The following APOBEC4 variants were observed in gnomAD, a reference collection of about 807,000 sequenced individuals.
The protein encoded by APOBEC4 is apolipoprotein B mRNA editing enzyme catalytic polypeptide like 4.
For synonymous variants in APOBEC4, 141 were observed against 154.2 expected (o/e 0.91, Z 0.63); for missense variants, 375 against 441.2 (o/e 0.85, Z 1.34).
intron 1 of APOBEC4, among the ~76,000 whole-genome samples, chr1:183,649,679 A>G (rs1264803560): frequency 6.6e-6 from 1 of 152,238 alleles, no homozygotes. Context: ...GAAAGCAAAT[A>G]TGGTTCTTTA....
chr1:183,651,550 C>A (rs1650752528), intron 1 of APOBEC4, among the ~76,000 whole-genome samples: 1 of 152,162 alleles, frequency 6.6e-6, no homozygotes, highest in Admixed American at 6.5e-5. Context: ...CTCAATCCAG[C>A]TGTAGGTGGA....
intron 1 of APOBEC4, 35 bp from the exon 2 acceptor site, chr1:183,648,846 C>A (rs551756459): frequency 8.9e-6 from 12 of 1,350,304 alleles, no homozygotes; most frequent in Non-Finnish European, 1.2e-5. Flanking sequence ...ATAAAACCAG[C>A]GCAGGAAAAA....
Position 183,647,840 on chromosome 1 carries a change from C to T in APOBEC4, c.942G>A (p.Arg314=). ...GCATATTTAAGTGCCTTACGATATT[C>T]CTGGGTTTATTTGGGTTTTGGCCCA... The part of the protein sequence containing the change: ...MHMGQNPNKP[R]NIVRHLNMPQ... The change falls in exon 2 of 2, where the codon AGG becomes AGA. Residue 314 remains arginine, a synonymous_variant. Transcript: ENST00000308641. 3.1e-6 allele frequency: 5 copies of T among 1,614,156 alleles called. No individual in the cohort carries two copies. The highest frequency in any genetic ancestry group is 4.2e-6 in the Non-Finnish European group (5 of 1,180,026).
chr1:183,652,621 C>A (rs771454211), intron 1 of APOBEC4, among the ~76,000 whole-genome samples: 13 of 152,176 alleles, frequency 8.5e-5, no homozygotes, highest in Admixed American at 2.6e-4. Context: ...TGGAAATGTA[C>A]CCTGTTTAGG....
At chr1:183,650,312 G>A (rs895690115) in intron 1 of APOBEC4, among the ~76,000 whole-genome samples, 1 of 152,134 alleles carries the variant, frequency 6.6e-6, no homozygotes, top group Non-Finnish European at 1.5e-5. Flanking sequence ...GGGAGGCCAG[G>A]GTGGGCGGAT....
In APOBEC4 at chr1:183,648,742, T is replaced by G; in HGVS notation, c.40A>C (p.Thr14Pro). The G allele has an allele frequency of 6.2e-7, 1 of 1,612,992 alleles. No homozygotes were observed. Residue 14 changes from threonine (T) to proline (P), a missense_variant, in exon 2 of 2, where the codon ACA becomes CCA. Physicochemically the swap from Thr to Pro is conservative, Grantham distance 38. Transcript: ENST00000308641. ...IYEEYLANHGTIVKPYYWLSF... is the reference protein window; with the variant it reads ...IYEEYLANHGPIVKPYYWLSF... ...AGCCAGTAATATGGTTTTACTATTG[T>G]TCCATGATTTGCTAGGTACTCCTCA... is the stretch of plus-strand genomic sequence containing the variant.
At chr1:183,652,132 G>A (rs1572225681) in intron 1 of APOBEC4, among the ~76,000 whole-genome samples, 1 of 152,310 alleles carries the variant, frequency 6.6e-6, no homozygotes, top group East Asian at 1.9e-4. Context: ...AAGGTGATGT[G>A]TATGTGGAGT....
intron 1 of APOBEC4, among the ~76,000 whole-genome samples, chr1:183,651,479 A>G (rs2101999962): frequency 6.6e-6 from 1 of 152,276 alleles, no homozygotes; most frequent in South Asian, 2.1e-4. Context: ...CTTGATCTCT[A>G]GCCTGAAACC....
chr1:183,648,818 A>G lies in APOBEC4; in HGVS notation c.-30-7T>C. On this transcript the variant is annotated splice_region_variant and splice_polypyrimidine_tract_variant and intron_variant, in intron 1 of 1. Transcript: ENST00000308641. ...CTGTCTTCTAGCTGCAAACCTAAAC[A>G]AGGAAGAGAAATTACATATAAAACC... 1 of 1,488,296 alleles carries G rather than the reference A, an allele frequency of 6.7e-7. No individual in the cohort carries two copies. The allele number at this position is 1,488,296 out of a possible 1,614,324, so 92.2% of individuals were successfully genotyped here.
At position 183,648,540 on chromosome 1, in the gene APOBEC4, T is replaced by C. The variant is rs1650483735; in HGVS notation, c.242A>G (p.Lys81Arg). The C allele has an allele frequency of 6.2e-7, 1 of 1,614,112 alleles. No homozygotes were observed. The highest frequency in any genetic ancestry group is 1.7e-5 in the Admixed American group (1 of 60,000). Residue 81 changes from lysine to arginine, a missense_variant, in exon 2 of 2, where the codon AAG becomes AGG. Lys to Arg is a conservative substitution (Grantham distance 26, BLOSUM62 2). Coordinates refer to ENST00000308641, the MANE Select transcript of APOBEC4 (RefSeq NM_203454.3). ...LKTSSGSLVQ[K>R]GHASSCTGNY... ...CCCAGTGCAACTGCTAGCATGGCCC[T>C]TTTGCACCAGGCTACCAGAAGAAGT...
At chr1:183,650,902 C>G (rs1441104609) in intron 1 of APOBEC4, among the ~76,000 whole-genome samples, 1 of 151,918 alleles carries the variant, frequency 6.6e-6, no homozygotes, top group East Asian at 1.9e-4. Context: ...AAGTTGAACA[C>G]TTTTTGACAT....
Position 183,647,724 on chromosome 1 carries a change from C to T in APOBEC4, c.1058G>A (p.Ser353Asn). 1 of 1,609,538 alleles carries T rather than the reference C, an allele frequency of 6.2e-7. No homozygotes were observed. The highest frequency in any genetic ancestry group is 1.1e-5 in the South Asian group (1 of 90,950). The change falls in exon 2 of 2, where the codon AGT (serine) becomes AAT (asparagine). Residue 353 changes from serine (S) to asparagine (N), a missense_variant. Transcript: ENST00000308641. ...CTTCTTTTCATCTGCCTCCTTGCTA[C>T]TTGCAAACTGTTCTGTGATTTCCAC... Reference protein sequence around the residue: ...EIVEITEQFASSKEADEKKKK... With the variant: ...EIVEITEQFANSKEADEKKKK...
In APOBEC4 at chr1:183,648,534, TG is replaced by T. The variant is rs2101991986; in HGVS notation, c.247del (p.His83MetfsTer19). 1.9e-6 allele frequency: 3 copies of T among 1,614,222 alleles called. No homozygotes were observed. The South Asian group carries it at 3.3e-5, about 18-fold the overall frequency. On this transcript the variant is annotated frameshift_variant, in exon 2 of 2. Transcript: ENST00000308641. LOFTEE classifies it low-confidence loss of function (END_TRUNC). ...ATAATTCCCAGTGCAACTGCTAGCA[TG>T]GCCCTTTTGCACCAGGCTACCAGAA... ...TSSGSLVQKG[H>X]ASSCTGNYIH...
rs747065273 is a variant in APOBEC4 at position 183,647,981 on chromosome 1, A to C, written c.801T>G (p.Phe267Leu). The C allele has an allele frequency of 1.1e-5, 17 of 1,614,218 alleles. No homozygotes were observed. In the East Asian group the frequency reaches 3.8e-4, roughly 36 times the overall value. Residue 267 changes from phenylalanine (F) to leucine (L), a missense_variant, in exon 2 of 2, where the codon TTT becomes TTG. Physicochemically the swap from Phe to Leu is conservative, Grantham distance 22 (BLOSUM62 0). Coordinates refer to ENST00000308641, the MANE Select transcript of APOBEC4 (RefSeq NM_203454.3). ...TCGGCATTTGAAAAAACTGTCCAGGAAAGGCATTGTTTAAGGGGTAGCTCT... is the reference window on the plus strand; with the variant it reads ...TCGGCATTTGAAAAAACTGTCCAGGCAAGGCATTGTTTAAGGGGTAGCTCT... ...ALESYPLNNA[F>L]PGQFFQMPSG...
In APOBEC4 at chr1:183,647,894, C is replaced by A. The variant is rs1018012811; in HGVS notation, c.888G>T (p.Val296=). The A allele has an allele frequency of 1.9e-6, 3 of 1,613,998 alleles. No individual in the cohort carries two copies. Among genetic ancestry groups the A allele is most frequent in the Admixed American group, 3.3e-5 (2 of 59,994 alleles). Residue 296 remains valine, a synonymous_variant, in exon 2 of 2, where the codon GTG becomes GTT. Transcript: ENST00000308641. ...DLRAPVVFVL[V]PLRDLPPMHM... ...GCATTGGTGGTAAGTCCCTGAGAGG[C>A]ACTAGCACAAAAACAACAGGAGCCC...
Position 183,648,459 on chromosome 1 carries a change from G to A in APOBEC4, c.323C>T (p.Ala108Val). ...CCTGATGCTGTCATTATTGTATATG[G>A]CTGAGTCAAGATAACCATTCATTTC... The part of the protein sequence containing the change: ...LFEMNGYLDS[A>V]IYNNDSIRHI... Residue 108 changes from alanine to valine, a missense_variant, in exon 2 of 2, where the codon GCC becomes GTC. Ala to Val is a moderately conservative substitution (Grantham distance 64). Transcript: ENST00000308641. The A allele has an allele frequency of 6.2e-7, 1 of 1,614,218 alleles. No homozygotes were observed. Among genetic ancestry groups the A allele is most frequent in the Non-Finnish European group, 8.5e-7 (1 of 1,180,040 alleles).
Position 183,648,037 on chromosome 1 carries a change from T to G in APOBEC4, c.745A>C (p.Asn249His). Reference sequence around the variant, plus strand: ...GCCTCCTGAGCTTTTGTGTTTGGATTCCTTTTTGTCTGGAGAAGAACATCA... The same window carrying G: ...GCCTCCTGAGCTTTTGTGTTTGGATGCCTTTTTGTCTGGAGAAGAACATCA... ...FTDVLLQTKR[N>H]PNTKAQEALE... is the part of the protein sequence containing the mutation. Residue 249 changes from asparagine to histidine, a missense_variant, in exon 2 of 2, where the codon AAT (asparagine) becomes CAT (histidine). Physicochemically the swap from Asn to His is moderately conservative, Grantham distance 68. Transcript: ENST00000308641. The G allele has an allele frequency of 6.2e-7, 1 of 1,614,236 alleles. No homozygotes were observed. Among genetic ancestry groups the G allele is most frequent in the South Asian group, 1.1e-5 (1 of 91,080 alleles).
Position 183,651,255 on chromosome 1 carries a change from C to T in APOBEC4, c.-31+1817G>A, listed in dbSNP as rs180830829. Among the ~76,000 whole-genome samples the T allele has an allele frequency of 2.0e-5, 3 of 152,186 alleles. No homozygotes were observed. The East Asian group carries it at 5.8e-4, about 29-fold the overall frequency. ...TTTCATTTTTTACATTTAACTTTGTCAGATAACAAAACTGATAAGGCAGAA... is the reference window on the plus strand; with the variant it reads ...TTTCATTTTTTACATTTAACTTTGTTAGATAACAAAACTGATAAGGCAGAA... On this transcript the variant is annotated intron_variant, in intron 1 of 1. Transcript: ENST00000308641.
chr1:183,652,983 A>G (rs1319824035), intron 1 of APOBEC4, 89 bp downstream of exon 1: 1 of 152,240 alleles, frequency 6.6e-6, no homozygotes, highest in Non-Finnish European at 1.5e-5. Flanking sequence ...CACAGTTTGC[A>G]CTGGAGTAAT....
Sources: gnomAD v4.1 joint callset for allele counts (sites outside exome capture counted in the v4.1 genomes callset) on GRCh38, gnomAD v4.1.1 for gene constraint, MANE v1.5 for transcripts, NCBI Gene and HGNC (gene_info 2026-07-23, HGNC 2026-07-21) for gene names.